The following CMC1 variants were observed in gnomAD, a reference collection of about 807,000 sequenced individuals.
CMC1 encodes the protein C-X9-C motif containing 1, also known as COX assembly mitochondrial protein homolog.
A neutral mutation model predicts 14.1 loss-of-function variants in CMC1; 14 were observed. The observed-to-expected ratio is 0.99, with a 90% CI of 0.66 to 1.55. CMC1 has a LOEUF of 1.55. Among genes scored for constraint, CMC1 ranks in the 40% most tolerant of loss-of-function variants. The pLI is 0.00. For missense variants in CMC1, 127 were observed against 123.8 expected, an observed-to-expected ratio of 1.03 and a Z score of -0.12; for synonymous variants, 50 against 38.4, an observed-to-expected ratio of 1.30 and a Z score of -1.12.
At chr3:28,269,383 G>T (rs764370045) in intron 2 of CMC1, among the ~76,000 whole-genome samples, 5 of 152,144 alleles carry the variant, frequency 3.3e-5, no homozygotes, top group African/African-American at 1.2e-4. Flanking sequence ...AAATACCCTT[G>T]AATAAAATGG....
At chr3:28,295,007 A>G (rs184577128) in intron 2 of CMC1, among the ~76,000 whole-genome samples, 3 of 152,240 alleles carry the variant, frequency 2.0e-5, no homozygotes, top group Non-Finnish European at 1.5e-5. Flanking sequence ...AAACAAAACA[A>G]TCTGTAGACA....
intron 1 of CMC1, among the ~76,000 whole-genome samples, chr3:28,246,987 C>T (rs1337959646): frequency 1.3e-5 from 2 of 152,182 alleles, no homozygotes; most frequent in Admixed American, 6.5e-5. Context: ...GGTAAGGACT[C>T]ATGAACTGCT....
intron 2 of CMC1, among the ~76,000 whole-genome samples, chr3:28,303,179 C>T (rs1197127236): frequency 6.6e-6 from 1 of 152,136 alleles, no homozygotes; most frequent in African/African-American, 2.4e-5. Flanking sequence ...AGTAAACACT[C>T]AGTTTATCTT....
intron 2 of CMC1, among the ~76,000 whole-genome samples, chr3:28,274,497 G>A (rs1700475613): frequency 6.6e-6 from 1 of 152,038 alleles, no homozygotes; most frequent in Non-Finnish European, 1.5e-5. Flanking sequence ...AGTCTGATGG[G>A]CTTCCCTTTT....
At chr3:28,245,404 T>G (rs1398976734) in intron 1 of CMC1, among the ~76,000 whole-genome samples, 2 of 152,180 alleles carry the variant, frequency 1.3e-5, no homozygotes, top group African/African-American at 2.4e-5. Context: ...CCTGATAAAT[T>G]TGATTTTTCA....
intron 2 of CMC1, among the ~76,000 whole-genome samples, chr3:28,313,738 T>A (rs1167460365): frequency 6.6e-6 from 1 of 152,226 alleles, no homozygotes; most frequent in Non-Finnish European, 1.5e-5. Flanking sequence ...AATGCTAGTT[T>A]GTACCAGTTC....
intron 2 of CMC1, among the ~76,000 whole-genome samples, chr3:28,312,078 C>A (rs1475319278): frequency 6.6e-6 from 1 of 152,120 alleles, no homozygotes. Flanking sequence ...AACAAGATGT[C>A]CTAATTTTTT....
intron 1 of CMC1, among the ~76,000 whole-genome samples, chr3:28,242,265 C>T (rs1698567416): frequency 6.6e-6 from 1 of 152,198 alleles, no homozygotes; most frequent in East Asian, 1.9e-4. Context: ...ATCACTATGG[C>T]AGGAGTCAGT....
At chr3:28,243,372 G>T (rs1698635765) in intron 1 of CMC1, among the ~76,000 whole-genome samples, 1 of 152,106 alleles carries the variant, frequency 6.6e-6, no homozygotes, top group Admixed American at 6.6e-5. Context: ...TGGTACTTCT[G>T]AACTTGAAGT....
At chr3:28,309,551 C>CA (rs1702512905) in intron 2 of CMC1, among the ~76,000 whole-genome samples, 1 of 152,008 alleles carries the variant, frequency 6.6e-6, no homozygotes, top group African/African-American at 2.4e-5. Context: ...TTTATTCACT[C>CA]ACTTCTGTCC....
chr3:28,279,509 G>A (rs1008323913), intron 2 of CMC1, among the ~76,000 whole-genome samples: 3 of 152,160 alleles, frequency 2.0e-5, no homozygotes, highest in African/African-American at 7.2e-5. Context: ...TAACTCATAT[G>A]TTGCTATTAG....
At chr3:28,283,551 CA>C (rs5847510) in intron 2 of CMC1, among the ~76,000 whole-genome samples, 13,136 of 118,266 alleles carry the variant, frequency 0.11, 753 homozygotes, top group African/African-American at 0.2. Context: ...ACAACAAAAA[CA>C]AAAAAAAAAA....
chr3:28,305,112 T>C (rs1242452759), intron 2 of CMC1, among the ~76,000 whole-genome samples: 4 of 152,146 alleles, frequency 2.6e-5, no homozygotes, highest in African/African-American at 7.2e-5. Context: ...GACTCCCCAG[T>C]ATCTATAATT....
chr3:28,309,174 C>G (rs1314421784), intron 2 of CMC1, among the ~76,000 whole-genome samples: 1 of 151,962 alleles, frequency 6.6e-6, no homozygotes, highest in Non-Finnish European at 1.5e-5. Flanking sequence ...TGTCCAGGGC[C>G]TCTTTTCATT....
chr3:28,281,743 A>G (rs1700904419), intron 2 of CMC1, among the ~76,000 whole-genome samples: 1 of 152,238 alleles, frequency 6.6e-6, no homozygotes, highest in South Asian at 2.1e-4. Flanking sequence ...GAATTCTGAT[A>G]TAGGCAGGTG....
intron 1 of CMC1, among the ~76,000 whole-genome samples, chr3:28,256,061 AC>A (rs537329224): frequency 7.5e-4 from 114 of 152,304 alleles, no homozygotes; most frequent in Non-Finnish European, 1.0e-3. Flanking sequence ...ATGCACACAT[AC>A]ATACACCAAA....
intron 2 of CMC1, among the ~76,000 whole-genome samples, chr3:28,270,109 A>G (rs1700209294): frequency 6.6e-6 from 1 of 152,130 alleles, no homozygotes; most frequent in Admixed American, 6.5e-5. Context: ...TTATGGCTGC[A>G]TAGTATTCCA....
chr3:28,245,927 T>C (rs1698802117), intron 1 of CMC1, among the ~76,000 whole-genome samples: 1 of 152,108 alleles, frequency 6.6e-6, no homozygotes, highest in South Asian at 2.1e-4. Context: ...ATGTAAAAGG[T>C]TGTGGAGTTG....
intron 2 of CMC1, among the ~76,000 whole-genome samples, chr3:28,308,024 C>T (rs567463027): frequency 1.3e-5 from 2 of 152,210 alleles, no homozygotes; most frequent in Non-Finnish European, 2.9e-5. Flanking sequence ...CTGTTCTCTT[C>T]CGCATCTGTC....
Sources: allele counts gnomAD v4.1 joint callset (sites outside exome capture counted in the v4.1 genomes callset), GRCh38; gene constraint gnomAD v4.1.1; transcripts MANE v1.5; gene names NCBI Gene and HGNC (gene_info 2026-07-23, HGNC 2026-07-21).